Variants in RARB observed in about 807,000 individuals in gnomAD.
The protein encoded by RARB is HBV-activated protein.
RARB carries 17 observed loss-of-function variants against 51.9 expected under a neutral mutation model. The ratio of observed to expected loss-of-function variants is 0.33; its 90% CI spans 0.22 to 0.49. The LOEUF is 0.49. Ranked by LOEUF, RARB falls within the 20% of genes least tolerant of loss-of-function variation. The probability of loss-of-function intolerance (pLI) is 0.99; values close to 1 mark genes in which losing one functional copy is unlikely to be tolerated. For synonymous variants in RARB, 215 were observed against 195.4 expected, an observed-to-expected ratio of 1.10 and a Z score of -0.84; for missense variants, 369 against 550.8, an observed-to-expected ratio of 0.67 and a Z score of 3.30.
intron 2 of RARB, among the ~76,000 whole-genome samples, chr3:25,497,005 C>G (rs1023930164): frequency 4.6e-5 from 7 of 152,230 alleles, no homozygotes; most frequent in Non-Finnish European, 1.0e-4. Context: ...CTGCCTCAGC[C>G]TCCCGAGTAG....
At chr3:24,996,719 C>G (rs1697048111) in intron 2 of RARB, among the ~76,000 whole-genome samples, 1 of 151,384 alleles carries the variant, frequency 6.6e-6, no homozygotes, top group African/African-American at 2.4e-5. Flanking sequence ...CCTTTGGTTG[C>G]TCAGAAGCAT....
chr3:25,432,620 T>TC (rs1708254244), intron 1 of RARB, among the ~76,000 whole-genome samples: 1 of 152,186 alleles, frequency 6.6e-6, no homozygotes, highest in Admixed American at 6.6e-5. Context: ...AAAAAAAAGT[T>TC]CTTCTGGATA....
chr3:25,112,647 A>G (rs978090236), intron 3 of RARB, among the ~76,000 whole-genome samples: 2 of 152,010 alleles, frequency 1.3e-5, no homozygotes, highest in African/African-American at 4.8e-5. Flanking sequence ...GCATGGTGCT[A>G]CACACCTGTG....
At chr3:25,536,490 C>T (rs1441320059) in intron 3 of RARB, among the ~76,000 whole-genome samples, 1 of 152,086 alleles carries the variant, frequency 6.6e-6, no homozygotes, top group East Asian at 1.9e-4. Context: ...GGGGGAAAAA[C>T]GACAAAATGG....
At chr3:25,288,540 C>T (rs1703710130) in intron 5 of RARB, among the ~76,000 whole-genome samples, 1 of 152,134 alleles carries the variant, frequency 6.6e-6, no homozygotes, top group Admixed American at 6.5e-5. Flanking sequence ...GAGCCCAGGA[C>T]ACTATTTGGG....
chr3:25,286,891 T>G lies in RARB; in HGVS notation c.178+112316T>G, dbSNP rs144371241. On this transcript the variant is annotated intron_variant, in intron 5 of 11. Transcript: ENST00000383772. ...AACTGTTTAAATAAACCTGTACTTT[T>G]ACTTCAAGATATCTATTTTACAAGA... Among the ~76,000 whole-genome samples the G allele has an allele frequency of 1.2e-3, 178 of 152,352 alleles. 1 individual carries two copies. The highest frequency in any genetic ancestry group is 2.2e-3 in the Non-Finnish European group (148 of 68,036).
chr3:25,558,105 T>A (rs1245500333), intron 3 of RARB, among the ~76,000 whole-genome samples: 1 of 152,242 alleles, frequency 6.6e-6, no homozygotes. Context: ...AGCCTTTTTG[T>A]GTTTGTAAAC....
At chr3:25,258,923 C>A in intron 5 of RARB, 1 of 400,480 alleles carries the variant, frequency 2.5e-6, no homozygotes, top group Non-Finnish European at 3.4e-6. Context: ...GACCCAAATT[C>A]CTCTCAAAGG....
At chr3:25,535,100 G>C (rs1182478045) in intron 3 of RARB, among the ~76,000 whole-genome samples, 1 of 152,182 alleles carries the variant, frequency 6.6e-6, no homozygotes, top group Non-Finnish European at 1.5e-5. Flanking sequence ...AAAGCAGCAA[G>C]GACAGGGGCT....
chr3:25,417,261 G>T (rs1326822847), intron 5 of RARB, among the ~76,000 whole-genome samples: 1 of 151,452 alleles, frequency 6.6e-6, no homozygotes, highest in African/African-American at 2.4e-5. Flanking sequence ...GAAATTAGCT[G>T]TTCCCTAATT....
intron 5 of RARB, among the ~76,000 whole-genome samples, chr3:25,273,631 A>C (rs955959666): frequency 2.0e-4 from 31 of 152,210 alleles, no homozygotes; most frequent in African/African-American, 7.2e-4. Context: ...AAGTCTGCTC[A>C]CTGGCAAAGA....
At chr3:25,291,988 C>G (rs1486656638) in intron 5 of RARB, among the ~76,000 whole-genome samples, 2 of 152,010 alleles carry the variant, frequency 1.3e-5, no homozygotes, top group African/African-American at 4.8e-5. Context: ...TAAAATTTTA[C>G]CAATTTAATA....
At chr3:24,918,862 C>T (rs947802560) in intron 2 of RARB, among the ~76,000 whole-genome samples, 3 of 152,066 alleles carry the variant, frequency 2.0e-5, no homozygotes, top group Admixed American at 1.3e-4. Context: ...TGCACTCCAG[C>T]CTGGGTGACA....
intron 2 of RARB, among the ~76,000 whole-genome samples, chr3:25,462,929 C>A (rs1695253124): frequency 6.6e-6 from 1 of 152,226 alleles, no homozygotes; most frequent in African/African-American, 2.4e-5. Flanking sequence ...CTACTTCTGC[C>A]ACACTATTGG....
chr3:25,163,248 G>A (rs1469376197), intron 4 of RARB, among the ~76,000 whole-genome samples: 1 of 152,088 alleles, frequency 6.6e-6, no homozygotes. Flanking sequence ...TCACGCCTAT[G>A]ATCCCGGCAC....
chr3:25,109,076 A>G (rs1699557406), intron 3 of RARB, among the ~76,000 whole-genome samples: 1 of 152,196 alleles, frequency 6.6e-6, no homozygotes, highest in African/African-American at 2.4e-5. Flanking sequence ...TTCTTAGGTA[A>G]AATGCAGATA....
chr3:25,305,079 C>T (rs981288018), intron 5 of RARB, among the ~76,000 whole-genome samples: 11 of 152,092 alleles, frequency 7.2e-5, no homozygotes, highest in Non-Finnish European at 1.3e-4. Flanking sequence ...ATTTGAACCA[C>T]GAGAGAGCCC....
intron 3 of RARB, among the ~76,000 whole-genome samples, chr3:25,066,118 G>A (rs1698657303): frequency 6.6e-6 from 1 of 152,130 alleles, no homozygotes; most frequent in Admixed American, 6.5e-5. Flanking sequence ...TAAAGAAGCT[G>A]CTGCCCTTTC....
chr3:25,524,613 C>T (rs1698555691), intron 3 of RARB, among the ~76,000 whole-genome samples: 1 of 150,864 alleles, frequency 6.6e-6, no homozygotes, highest in Non-Finnish European at 1.5e-5. Context: ...TTCCCCCCTC[C>T]CTTCCTCCCT....
Sources: gnomAD v4.1 joint callset for allele counts (sites outside exome capture counted in the v4.1 genomes callset) on GRCh38, gnomAD v4.1.1 for gene constraint, MANE v1.5 for transcripts, NCBI Gene and HGNC (gene_info 2026-07-23, HGNC 2026-07-21) for gene names.